Variants in PLCL1 observed in about 807,000 individuals in gnomAD.
PLCL1 encodes the protein phospholipase C like 1 (inactive), also known as inactive phospholipase C-like protein 1.
Under a neutral mutation model 84.4 loss-of-function variants are expected in PLCL1, and 41 were observed. The ratio of observed to expected loss-of-function variants is 0.49; its 90% CI spans 0.38 to 0.63. The LOEUF (loss-of-function observed/expected upper bound fraction) is 0.63, where lower values mean the gene tolerates loss of function less well. Among genes scored for constraint, PLCL1 ranks in the 30% least tolerant of loss-of-function variants. The pLI, the probability that PLCL1 is intolerant of heterozygous loss-of-function variation, is 0.00. For synonymous variants in PLCL1, 490 were observed against 488.3 expected (o/e 1.00, Z -0.05); for missense variants, 1,206 against 1,367.8 (o/e 0.88, Z 1.87).
intron 1 of PLCL1, among the ~76,000 whole-genome samples, chr2:197,840,402 T>C (rs531041290): frequency 1.3e-5 from 2 of 152,256 alleles, no homozygotes; most frequent in South Asian, 2.1e-4. Context: ...GTTTTAGAAA[T>C]CTGCCTACAT....
At chr2:197,884,498 T>C (rs1045112103) in intron 1 of PLCL1, among the ~76,000 whole-genome samples, 2 of 152,196 alleles carry the variant, frequency 1.3e-5, no homozygotes, top group African/African-American at 4.8e-5. Flanking sequence ...GGAATAAAAA[T>C]GGGGATTGGT....
chr2:198,087,417 A>G (rs992282053), intron 2 of PLCL1, among the ~76,000 whole-genome samples: 15 of 152,206 alleles, frequency 9.9e-5, no homozygotes, highest in Middle Eastern at 3.2e-3. Flanking sequence ...ACAATAACAG[A>G]TATTCACCGA....
intron 1 of PLCL1, among the ~76,000 whole-genome samples, chr2:198,055,363 GAA>G (rs540444500): frequency 0.015 from 994 of 68,072 alleles, 7 homozygotes; most frequent in Non-Finnish European, 0.02. Flanking sequence ...GAGAGAGAGA[GAA>G]AGAGAGAGAG....
intron 1 of PLCL1, among the ~76,000 whole-genome samples, chr2:198,040,106 A>G (rs1189069936): frequency 2.0e-5 from 3 of 152,170 alleles, no homozygotes; most frequent in Non-Finnish European, 1.5e-5. Flanking sequence ...GGTTGCAACA[A>G]TATTTCTTCT....
intron 1 of PLCL1, among the ~76,000 whole-genome samples, chr2:197,829,895 G>A (rs1691019746): frequency 6.6e-6 from 1 of 151,996 alleles, no homozygotes; most frequent in Non-Finnish European, 1.5e-5. Context: ...AATTAGGCAG[G>A]GATTACATAT....
Position 198,085,014 on chromosome 2 carries a change from G to C in PLCL1, c.1497G>C (p.Gln499His), listed in dbSNP as rs1692828865. 1 of 1,613,904 alleles carries C rather than the reference G, an allele frequency of 6.2e-7. No homozygotes were observed. Among genetic ancestry groups the C allele is most frequent in the Non-Finnish European group, 8.5e-7 (1 of 1,179,996 alleles). ...LCLGNHCSLP[Q>H]QKVMAQQMKK... ...TGGGAAATCACTGCTCCTTGCCGCA[G>C]CAGAAGGTAATGGCTCAACAGATGA... Residue 499 changes from glutamine to histidine, a missense_variant, in exon 2 of 6, where the codon CAG becomes CAC. By Grantham distance (24) the Gln-to-His change is conservative. Transcript: ENST00000428675. This position sits in a 1 kb window ranked among gnomAD's most constrained non-coding sequence, Gnocchi z 5.3.
intron 1 of PLCL1, among the ~76,000 whole-genome samples, chr2:198,073,928 A>G (rs1160716519): frequency 6.6e-6 from 1 of 152,214 alleles, no homozygotes; most frequent in Non-Finnish European, 1.5e-5. Flanking sequence ...ATTGAAATTG[A>G]AATTTAGTCT....
chr2:197,908,475 G>A (rs1394854701), intron 1 of PLCL1, among the ~76,000 whole-genome samples: 1 of 152,140 alleles, frequency 6.6e-6, no homozygotes, highest in African/African-American at 2.4e-5. Flanking sequence ...GATGTCTTTG[G>A]AGTTATTCAC....
chr2:198,038,574 C>T (rs1691594552), intron 1 of PLCL1, among the ~76,000 whole-genome samples: 1 of 152,032 alleles, frequency 6.6e-6, no homozygotes, highest in African/African-American at 2.4e-5. Flanking sequence ...GGTCCCATGG[C>T]AGCCTATAAT....
At chr2:197,943,677 C>T (rs1689212589) in intron 1 of PLCL1, among the ~76,000 whole-genome samples, 1 of 120,386 alleles carries the variant, frequency 8.3e-6, no homozygotes, top group Non-Finnish European at 1.6e-5. Flanking sequence ...TAAGTGCTTT[C>T]CAGTGTTGAG....
At chr2:197,999,661 C>T (rs1690553680) in intron 1 of PLCL1, among the ~76,000 whole-genome samples, 1 of 152,074 alleles carries the variant, frequency 6.6e-6, no homozygotes. Flanking sequence ...TAATGGATAC[C>T]ATAACAAAGA....
chr2:198,094,763 G>A (rs1693149719), intron 3 of PLCL1, among the ~76,000 whole-genome samples: 1 of 152,136 alleles, frequency 6.6e-6, no homozygotes, highest in Admixed American at 6.5e-5. Context: ...GGTTCACCAA[G>A]TCTGGGTAAG....
In PLCL1 at chr2:198,086,163, C is replaced by T; in HGVS notation, c.2646C>T (p.Thr882=). 1 of 1,613,694 alleles carries T rather than the reference C, an allele frequency of 6.2e-7. No individual in the cohort carries two copies. Among genetic ancestry groups the T allele is most frequent in the Non-Finnish European group, 8.5e-7 (1 of 1,179,730 alleles). ...YTMLRNIGLK[T]IDDIFKIAVH... ...TGCTCAGGAATATCGGTCTTAAAACCATTGATGACATCTTTAAAATAGCGG... is the reference window on the plus strand; with the variant it reads ...TGCTCAGGAATATCGGTCTTAAAACTATTGATGACATCTTTAAAATAGCGG... Residue 882 remains threonine, a synonymous_variant, in exon 2 of 6, where the codon ACC becomes ACT. Coordinates refer to ENST00000428675, the MANE Select transcript of PLCL1 (RefSeq NM_006226.4).
At chr2:197,877,072 C>A (rs1687748058) in intron 1 of PLCL1, among the ~76,000 whole-genome samples, 1 of 152,024 alleles carries the variant, frequency 6.6e-6, no homozygotes, top group Admixed American at 6.6e-5. Flanking sequence ...TCAGGCCTAA[C>A]CAAATTTCAG....
At chr2:197,992,180 C>T (rs185193101) in intron 1 of PLCL1, among the ~76,000 whole-genome samples, 199 of 152,184 alleles carry the variant, frequency 1.3e-3, no homozygotes, top group African/African-American at 4.7e-3. Context: ...TGTCATTTAA[C>T]ATTAGGTATA....
intron 1 of PLCL1, among the ~76,000 whole-genome samples, chr2:197,884,277 T>C (rs986531448): frequency 6.6e-6 from 1 of 152,192 alleles, no homozygotes; most frequent in Non-Finnish European, 1.5e-5. Context: ...TCAAAGTGGA[T>C]GTTGGAGCTC....
intron 1 of PLCL1, among the ~76,000 whole-genome samples, chr2:197,832,544 C>T (rs890747527): frequency 9.9e-5 from 15 of 152,162 alleles, no homozygotes; most frequent in African/African-American, 2.9e-4. Context: ...TAGCACCAGA[C>T]AGATTCACAG....
intron 1 of PLCL1, among the ~76,000 whole-genome samples, chr2:198,048,372 T>C (rs969101115): frequency 6.6e-6 from 1 of 152,226 alleles, no homozygotes; most frequent in African/African-American, 2.4e-5. Context: ...ACAAGCTCTC[T>C]TAGACCCTTT....
At chr2:197,807,107 T>C (rs893128411) in intron 1 of PLCL1, among the ~76,000 whole-genome samples, 2 of 152,142 alleles carry the variant, frequency 1.3e-5, no homozygotes, top group Non-Finnish European at 2.9e-5. Context: ...TATTAGAAAA[T>C]AAAGTGAATT....
Sources: gnomAD v4.1 joint callset for allele counts (sites outside exome capture counted in the v4.1 genomes callset) on GRCh38, gnomAD v4.1.1 for gene constraint, Gnocchi (gnomAD v3.1) non-coding constraint, MANE v1.5 for transcripts, NCBI Gene and HGNC (gene_info 2026-07-23, HGNC 2026-07-21) for gene names.